CNTNAP2: variants seen among roughly 807,000 people sequenced by gnomAD.
CNTNAP2 encodes contactin associated protein 2, also known as contactin-associated protein-like 2.
Under a neutral mutation model 155.2 loss-of-function variants are expected in CNTNAP2, and 98 were observed. The observed-to-expected ratio is 0.63, with a 90% CI of 0.54 to 0.75. The LOEUF is 0.75. Among genes scored for constraint, CNTNAP2 ranks in the 30% least tolerant of loss-of-function variants. CNTNAP2 has a pLI of 0.00. For synonymous variants in CNTNAP2, 651 were observed against 631.2 expected (o/e 1.03, Z -0.47); for missense variants, 1,727 against 1,688.1 (o/e 1.02, Z -0.40).
chr7:147,969,801 C>T (rs1328109008), intron 14 of CNTNAP2, among the ~76,000 whole-genome samples: 2 of 152,066 alleles, frequency 1.3e-5, no homozygotes, highest in African/African-American at 4.8e-5. Context: ...ACACTTTTAA[C>T]AATTAGATAG....
At chr7:146,650,383 GTCC>G (rs1337223370) in intron 1 of CNTNAP2, among the ~76,000 whole-genome samples, 1 of 152,130 alleles carries the variant, frequency 6.6e-6, no homozygotes, top group Non-Finnish European at 1.5e-5. Flanking sequence ...ATGAGTTCAT[GTCC>G]TTTGCAGGGA....
At chr7:147,351,795 C>T (rs1795971897) in intron 9 of CNTNAP2, among the ~76,000 whole-genome samples, 1 of 151,848 alleles carries the variant, frequency 6.6e-6, no homozygotes, top group African/African-American at 2.4e-5. Flanking sequence ...GCTAAATCTT[C>T]AATGGTAGCT....
In CNTNAP2 at chr7:148,122,089, C is replaced by T. The variant is rs377328218; in HGVS notation, c.2554+3801C>T. On this transcript the variant is annotated intron_variant, in intron 16 of 23. Transcript: ENST00000361727. Reference sequence around the variant, plus strand: ...CTCGTTCCAGGCGTTTTACGTGAATCATCTCACACTCCTAACCACCCTGTG... The same window carrying T: ...CTCGTTCCAGGCGTTTTACGTGAATTATCTCACACTCCTAACCACCCTGTG... 2.8e-4 allele frequency among the ~76,000 whole-genome samples: 43 copies of T among 152,294 alleles called. 1 individual carries two copies. Among genetic ancestry groups the T allele is most frequent in the East Asian group, 2.3e-3 (12 of 5,164 alleles).
At chr7:148,153,130 G>A (rs191770317) in intron 17 of CNTNAP2, among the ~76,000 whole-genome samples, 152 of 151,714 alleles carry the variant, frequency 1.0e-3, no homozygotes, top group Admixed American at 2.3e-3. Flanking sequence ...CAGGCTGTGA[G>A]GCTAGAAGCA....
chr7:147,501,500 G>A (rs1169780193), intron 11 of CNTNAP2, among the ~76,000 whole-genome samples: 1 of 152,174 alleles, frequency 6.6e-6, no homozygotes, highest in Non-Finnish European at 1.5e-5. Flanking sequence ...CAGGTGGTTT[G>A]ACTTACAACT....
intron 4 of CNTNAP2, among the ~76,000 whole-genome samples, chr7:147,090,311 G>T (rs943923400): frequency 4.0e-5 from 6 of 148,558 alleles, no homozygotes; most frequent in Admixed American, 1.3e-4. Context: ...GACTGATATA[G>T]AACATATAAG....
chr7:146,911,489 A>G (rs1796276831), intron 3 of CNTNAP2, among the ~76,000 whole-genome samples: 1 of 152,136 alleles, frequency 6.6e-6, no homozygotes, highest in African/African-American at 2.4e-5. Flanking sequence ...AAAGTTGATG[A>G]GTTCATATCC....
In CNTNAP2 at chr7:146,638,476, C is replaced by CTTTCTTTTT. The variant is rs1383622498; in HGVS notation, c.98-135792_98-135791insCTTTTTTTT. On this transcript the variant is annotated intron_variant, in intron 1 of 23. Transcript: ENST00000361727. ...AACAGTTTAATACAGTCAGGTGTTTCTTTTTTTTTTTTTTTTTTTTTTCTT... is the reference window on the plus strand; with the variant it reads ...AACAGTTTAATACAGTCAGGTGTTTCTTTCTTTTTTTTTTTTTTTTTTTTTTTTTTTCTT... 1.6e-3 allele frequency among the ~76,000 whole-genome samples: 104 copies of CTTTCTTTTT among 64,342 alleles called. 3 individuals are homozygous for CTTTCTTTTT. The highest frequency in any genetic ancestry group is 2.6e-3 in the African/African-American group (54 of 20,746). 42.2% of individuals were successfully genotyped at this position (64,342 alleles called of 152,430 possible). A position where few individuals can be genotyped will look rare whatever the true frequency, so the allele number is the denominator to read the frequency against.
chr7:147,088,059 A>C (rs1299056363), intron 4 of CNTNAP2, among the ~76,000 whole-genome samples: 1 of 152,198 alleles, frequency 6.6e-6, no homozygotes, highest in Non-Finnish European at 1.5e-5. Flanking sequence ...TTTAAAACAC[A>C]GTTTAGGCCT....
intron 1 of CNTNAP2, among the ~76,000 whole-genome samples, chr7:146,625,279 A>T (rs1477883544): frequency 2.0e-5 from 3 of 151,898 alleles, no homozygotes; most frequent in Non-Finnish European, 4.4e-5. Flanking sequence ...TAAGGACATG[A>T]GACAAGAAAT....
intron 12 of CNTNAP2, among the ~76,000 whole-genome samples, chr7:147,571,566 A>T (rs1240993496): frequency 6.6e-6 from 1 of 152,014 alleles, no homozygotes; most frequent in African/African-American, 2.4e-5. Context: ...ATCTTGTTTG[A>T]ATATGCAACA....
intron 8 of CNTNAP2, among the ~76,000 whole-genome samples, chr7:147,194,196 C>T (rs752271530): frequency 6.6e-6 from 1 of 151,466 alleles, no homozygotes; most frequent in Admixed American, 6.6e-5. Flanking sequence ...GTTTTTGGTT[C>T]CTGTGTTAGT....
At chr7:148,048,818 C>T (rs2527047) in intron 15 of CNTNAP2, among the ~76,000 whole-genome samples, 53,883 of 151,954 alleles carry the variant, frequency 0.35, 10,318 homozygotes, top group East Asian at 0.76. Context: ...ATGTGAGTCT[C>T]AGAGTAGGGC....
Position 146,314,354 on chromosome 7 carries a change from A to G in CNTNAP2, c.97+197381A>G, listed in dbSNP as rs533157108. On this transcript the variant is annotated intron_variant, in intron 1 of 23. Coordinates refer to ENST00000361727, the MANE Select transcript of CNTNAP2 (RefSeq NM_014141.6). Reference sequence around the variant, plus strand: ...AAGTTGTGCTATCGCCTTGAGAGACATTTGATAGAAGCCAGTCCCTAGGAA... The same window carrying G: ...AAGTTGTGCTATCGCCTTGAGAGACGTTTGATAGAAGCCAGTCCCTAGGAA... Among the ~76,000 whole-genome samples the G allele has an allele frequency of 2.0e-4, 30 of 152,254 alleles. 1 individual carries two copies. In the South Asian group the frequency reaches 6.2e-3, roughly 32 times the overall value.
At chr7:147,398,007 A>G (rs897397942) in intron 10 of CNTNAP2, among the ~76,000 whole-genome samples, 9 of 152,102 alleles carry the variant, frequency 5.9e-5, no homozygotes, top group Non-Finnish European at 8.8e-5. Context: ...TTAAATACCA[A>G]TGTGTGAAAC....
intron 8 of CNTNAP2, among the ~76,000 whole-genome samples, chr7:147,155,187 C>A (rs1282494391): frequency 6.6e-6 from 1 of 152,048 alleles, no homozygotes; most frequent in Admixed American, 6.6e-5. Context: ...ATGTTAGTGC[C>A]CTTATAAAAG....
At chr7:146,980,769 C>T (rs931614173) in intron 3 of CNTNAP2, among the ~76,000 whole-genome samples, 4 of 152,162 alleles carry the variant, frequency 2.6e-5, no homozygotes, top group African/African-American at 7.2e-5. Context: ...AATCCAAACA[C>T]CTACCACCAG....
In CNTNAP2 at chr7:146,116,973, C is replaced by T. The variant is rs794726938; in HGVS notation, c.97C>T (p.Gln33Ter). The change falls in exon 1 of 24, where the codon CAA (glutamine) becomes TAA (stop). Residue 33 changes from glutamine (Q) to a stop codon, truncating the protein, a stop_gained and splice_region_variant. Transcript: ENST00000361727. LOFTEE classifies it high-confidence loss of function. This position sits in a 1 kb window ranked among gnomAD's most constrained non-coding sequence, Gnocchi z 5.5. ...AGCCTGGACGGCTCCCTCCACGTCC[C>T]GTAAGTAGCCGTCTCCTCGCTCTGC... ...CRAWTAPSTS[Q>*]KCDEPLVSGL... is the part of the protein sequence containing the mutation. The T allele has an allele frequency of 1.9e-6, 3 of 1,550,144 alleles. No individual in the cohort carries two copies. Among genetic ancestry groups the T allele is most frequent in the African/African-American group, 1.4e-5 (1 of 73,072 alleles).
chr7:147,466,973 A>C (rs757560680), intron 10 of CNTNAP2, among the ~76,000 whole-genome samples: 16 of 152,222 alleles, frequency 1.1e-4, no homozygotes, highest in Non-Finnish European at 2.1e-4. Flanking sequence ...TTGGGAGAAT[A>C]TCTTTTATTT....
Sources: gnomAD v4.1 joint callset for allele counts (sites outside exome capture counted in the v4.1 genomes callset) on GRCh38, gnomAD v4.1.1 for gene constraint, Gnocchi (gnomAD v3.1) non-coding constraint, MANE v1.5 for transcripts, NCBI Gene and HGNC (gene_info 2026-07-23, HGNC 2026-07-21) for gene names.